The following NAV1 variants were observed in gnomAD, a reference collection of about 807,000 sequenced individuals.
NAV1 encodes neuron navigator 1.
In NAV1, 18 loss-of-function variants were observed where a neutral mutation model predicts 175.2. The observed-to-expected ratio is 0.10, with a 90% CI of 0.07 to 0.15. The LOEUF is 0.15. Ranked by LOEUF, NAV1 falls within the 10% of genes least tolerant of loss-of-function variation. NAV1 has a pLI of 1.00. For synonymous variants in NAV1, 897 were observed against 978.7 expected, an observed-to-expected ratio of 0.92 and a Z score of 1.56; for missense variants, 1,731 against 2,436.6, an observed-to-expected ratio of 0.71 and a Z score of 6.10.
chr1:201,759,135 AAGATT>A (rs1412791758), intron 3 of NAV1, among the ~76,000 whole-genome samples: 2 of 152,210 alleles, frequency 1.3e-5, no homozygotes, highest in Admixed American at 1.3e-4. Context: ...CTCCCAAAAA[AAGATT>A]AGATTATTTG....
chr1:201,788,939 TCTC>T lies in NAV1; in HGVS notation c.3166+308_3166+310del, dbSNP rs1214772832. 2.0e-5 allele frequency among the ~76,000 whole-genome samples: 3 copies of T among 152,170 alleles called. No homozygotes were observed. The highest frequency in any genetic ancestry group is 4.4e-5 in the Non-Finnish European group (3 of 68,036). Reference sequence around the variant, plus strand: ...AGGATGCTCTGAAAACCACAGCTTCTCTCCTCCTCATTCTAGCCATAGTCTTTC... The same window carrying T: ...AGGATGCTCTGAAAACCACAGCTTCTCTCCTCATTCTAGCCATAGTCTTTC... On this transcript the variant is annotated intron_variant, in intron 10 of 29. Coordinates refer to ENST00000367296, the Ensembl canonical transcript of NAV1. This position sits in a 1 kb window ranked among gnomAD's most constrained non-coding sequence, Gnocchi z 5.7.
In NAV1 at chr1:201,549,616, A is replaced by G. The variant is rs142838786; in HGVS notation, c.-144+10274A>G. 2.7e-3 allele frequency among the ~76,000 whole-genome samples: 405 copies of G among 151,990 alleles called. 2 individuals carry two copies. The highest frequency in any genetic ancestry group is 9.5e-3 in the African/African-American group (394 of 41,516). The stretch of plus-strand genomic sequence containing the variant: ...TATTTATGTAGTCATGATCATGTAA[A>G]TGACATTTACTGATAATCTTTAAGC... On this transcript the variant is annotated intron_variant, in intron 1 of 33. Coordinates refer to the NAV1 transcript ENST00000685211.
chr1:201,809,946 G>T, exon 23 of NAV1: 2 of 1,611,100 alleles, frequency 1.2e-6, no homozygotes, highest in Non-Finnish European at 1.7e-6. Context: ...TTTCTGTCAG[G>T]ACTATATTTC....
intron 1 of NAV1, among the ~76,000 whole-genome samples, chr1:201,699,249 A>G (rs560598604): frequency 2.0e-5 from 3 of 152,316 alleles, no homozygotes; most frequent in African/African-American, 7.2e-5. Flanking sequence ...AAGTCTCAGG[A>G]TACAAAATCA....
chr1:201,624,634 C>A (rs549963374), intron 1 of NAV1, among the ~76,000 whole-genome samples: 1 of 152,094 alleles, frequency 6.6e-6, no homozygotes, highest in South Asian at 2.1e-4. Flanking sequence ...GCGTGAGCCA[C>A]CGCACCCAGC....
chr1:201,644,425 G>A (rs1668907720), upstream of NAV1, among the ~76,000 whole-genome samples: 1 of 152,176 alleles, frequency 6.6e-6, no homozygotes, highest in African/African-American at 2.4e-5. Flanking sequence ...GAGGATAGTG[G>A]GAAACTCATG....
At chr1:201,568,156 T>C (rs1238983362) in intron 1 of NAV1, among the ~76,000 whole-genome samples, 1 of 151,964 alleles carries the variant, frequency 6.6e-6, no homozygotes, top group African/African-American at 2.4e-5. Flanking sequence ...GAAAAGGCAG[T>C]GGGGGGCAGC....
At chr1:201,604,115 G>A (rs987978614) in intron 2 of NAV1, among the ~76,000 whole-genome samples, 1 of 152,160 alleles carries the variant, frequency 6.6e-6, no homozygotes, top group Non-Finnish European at 1.5e-5. Flanking sequence ...GAGTGCAGTG[G>A]CACGATCACT....
intron 3 of NAV1, among the ~76,000 whole-genome samples, chr1:201,725,816 G>A (rs1672582667): frequency 6.6e-6 from 1 of 151,360 alleles, no homozygotes; most frequent in Admixed American, 6.6e-5. Flanking sequence ...AACTTAACTG[G>A]GCATGGTGGC....
intron 17 of NAV1, among the ~76,000 whole-genome samples, chr1:201,806,776 C>T (rs1678313741): frequency 6.6e-6 from 1 of 152,188 alleles, no homozygotes; most frequent in South Asian, 2.1e-4. Context: ...CACATACTCA[C>T]TCATTCATGT....
At chr1:201,775,443 T>C (rs1454452756) in intron 3 of NAV1, among the ~76,000 whole-genome samples, 1 of 152,146 alleles carries the variant, frequency 6.6e-6, no homozygotes, top group Non-Finnish European at 1.5e-5. Flanking sequence ...CAATCTCATC[T>C]CCCTATACTG....
chr1:201,620,440 G>T (rs1166563568), upstream of NAV1, among the ~76,000 whole-genome samples: 2 of 150,242 alleles, frequency 1.3e-5, no homozygotes, highest in African/African-American at 4.9e-5. Flanking sequence ...GCAGTGTATG[G>T]GAGACATATA....
intron 2 of NAV1, among the ~76,000 whole-genome samples, chr1:201,592,016 A>G (rs1667212602): frequency 6.6e-6 from 1 of 152,152 alleles, no homozygotes; most frequent in South Asian, 2.1e-4. Flanking sequence ...CAGCCTGTGC[A>G]GGCTGCAGGC....
chr1:201,802,009 C>T (rs1256094935), intron 15 of NAV1, among the ~76,000 whole-genome samples: 1 of 146,508 alleles, frequency 6.8e-6, no homozygotes, highest in Non-Finnish European at 1.5e-5. Flanking sequence ...TAGTGGCGGG[C>T]GCCTGTAGTC....
intron 3 of NAV1, among the ~76,000 whole-genome samples, chr1:201,769,245 A>T (rs1675408350): frequency 1.3e-5 from 2 of 152,202 alleles, no homozygotes; most frequent in South Asian, 4.1e-4. Context: ...ATCCATAGAC[A>T]TTCTAGCCCT....
upstream of NAV1, chr1:201,622,892 G>A (rs973515746): frequency 4.1e-6 from 4 of 985,986 alleles, no homozygotes; most frequent in Non-Finnish European, 4.8e-6. Context: ...ACCATGAATG[G>A]GATGGCCAAT....
At chr1:201,691,520 A>G (rs1670943024) in intron 1 of NAV1, among the ~76,000 whole-genome samples, 1 of 152,244 alleles carries the variant, frequency 6.6e-6, no homozygotes. Context: ...TGAATGAGGA[A>G]GGGTTGAACA....
chr1:201,627,686 A>G (rs1278643458), intron 1 of NAV1, among the ~76,000 whole-genome samples: 2 of 152,144 alleles, frequency 1.3e-5, no homozygotes, highest in Admixed American at 1.3e-4. Context: ...GACACATTAT[A>G]TAGAATTCCC....
chr1:201,549,701 G>A (rs1339428402), intron 1 of NAV1, among the ~76,000 whole-genome samples: 1 of 148,158 alleles, frequency 6.7e-6, no homozygotes, highest in South Asian at 2.4e-4. Context: ...AGCAACCACA[G>A]AGAGGACTGT....
Sources: allele counts gnomAD v4.1 joint callset (sites outside exome capture counted in the v4.1 genomes callset), GRCh38; gene constraint gnomAD v4.1.1; non-coding constraint Gnocchi (gnomAD v3.1); transcripts MANE v1.5; gene names NCBI Gene and HGNC (gene_info 2026-07-23, HGNC 2026-07-21).